Variants in CD58 observed in about 807,000 individuals in gnomAD.
CD58 encodes CD58 molecule, also known as lymphocyte function-associated antigen 3.
In CD58, 14 loss-of-function variants were observed where a neutral mutation model predicts 27.6. That is an observed-to-expected ratio of 0.51 (90% CI 0.34 to 0.79). The LOEUF is 0.79. Ranked by LOEUF, CD58 falls within the 30% of genes least tolerant of loss-of-function variation. CD58 has a pLI of 0.02. For missense variants in CD58, 268 were observed against 301.7 expected, an observed-to-expected ratio of 0.89 and a Z score of 0.83; for synonymous variants, 117 against 103.8, an observed-to-expected ratio of 1.13 and a Z score of -0.77.
rs1229372559 is a variant in CD58, at chr1:116,531,234, A to G, written c.628+4731T>C. ...TAATGGCAAACATAAAGTTAAACAT[A>G]AAGTTTTGCAAGGGCAAAACCTTTA... On this transcript the variant is annotated intron_variant, in intron 3 of 5. Transcript: ENST00000369489. This position sits in a 1 kb window ranked among gnomAD's most constrained non-coding sequence, Gnocchi z 4.5. 6.6e-6 allele frequency among the ~76,000 whole-genome samples: 1 copy of G among 152,228 alleles called. No homozygotes were observed. The highest frequency in any genetic ancestry group is 1.9e-4 in the East Asian group (1 of 5,202).
In CD58 at chr1:116,527,595, G is replaced by T. The variant is rs1017968883; in HGVS notation, c.629-5612C>A. ...CCAATTTGCTAATATTTTGTTTAAGGTTTCTACATGTATGTTCATGAGAAA... is the reference window on the plus strand; with the variant it reads ...CCAATTTGCTAATATTTTGTTTAAGTTTTCTACATGTATGTTCATGAGAAA... On this transcript the variant is annotated intron_variant, in intron 3 of 5. Transcript: ENST00000369489. This position sits in a 1 kb window ranked among gnomAD's most constrained non-coding sequence, Gnocchi z 4.4. Among the ~76,000 whole-genome samples, 1 of 152,024 alleles carries T rather than the reference G, an allele frequency of 6.6e-6. No individual in the cohort carries two copies. The highest frequency in any genetic ancestry group is 1.5e-5 in the Non-Finnish European group (1 of 67,996).
Position 116,532,913 on chromosome 1 carries a change from T to G in CD58, c.628+3052A>C, listed in dbSNP as rs1657665057. ...AGGCCCGGAGTCGCGACAGCCGGTCTGCCAGGCGCCCACCTCCACTTCCTA... is the reference window on the plus strand; with the variant it reads ...AGGCCCGGAGTCGCGACAGCCGGTCGGCCAGGCGCCCACCTCCACTTCCTA... On this transcript the variant is annotated intron_variant, in intron 3 of 5. Coordinates refer to ENST00000369489, the MANE Select transcript of CD58 (RefSeq NM_001779.3). This position sits in a 1 kb window ranked among gnomAD's most constrained non-coding sequence, Gnocchi z 5.1. 9.7e-7 allele frequency: 1 copy of G among 1,031,472 alleles called. No homozygotes were observed. Among genetic ancestry groups the G allele is most frequent in the Admixed American group, 2.0e-5 (1 of 49,092 alleles). The allele number at this position is 1,031,472 out of a possible 1,614,324, so 63.9% of individuals were successfully genotyped here.
rs548508879 is a variant in CD58 at position 116,570,185 on chromosome 1, G to T, written c.70+718C>A. ...ATGTGTGGAGGGTGAAGGAGGATGG[G>T]GAGGCAAAATGGGAAGAAGGGGACC... is the stretch of plus-strand genomic sequence containing the variant. On this transcript the variant is annotated intron_variant, in intron 1 of 5. Transcript: ENST00000369489. The surrounding 1 kb of genome is among the most constrained non-coding windows in gnomAD (Gnocchi z 6.4). 9.9e-5 allele frequency among the ~76,000 whole-genome samples: 15 copies of T among 152,196 alleles called. No homozygotes were observed. The highest frequency in any genetic ancestry group is 1.9e-4 in the Non-Finnish European group (13 of 68,038).
At chr1:116,525,784 C>T (rs1438865509) in intron 3 of CD58, among the ~76,000 whole-genome samples, 5 of 152,186 alleles carry the variant, frequency 3.3e-5, no homozygotes, top group African/African-American at 1.2e-4. Context: ...TGCCTGTTGA[C>T]ATAGGACATG....
At chr1:116,545,694 A>G (rs1413570245) in intron 1 of CD58, among the ~76,000 whole-genome samples, 1 of 152,188 alleles carries the variant, frequency 6.6e-6, no homozygotes, top group Non-Finnish European at 1.5e-5. Flanking sequence ...TCATGAGCCA[A>G]TTGTTAGCAT....
chr1:116,536,946 G>A lies in CD58; in HGVS notation c.365-718C>T, dbSNP rs780755573. 4.6e-5 allele frequency among the ~76,000 whole-genome samples: 7 copies of A among 152,096 alleles called. No individual in the cohort carries two copies. Among genetic ancestry groups the A allele is most frequent in the Non-Finnish European group, 8.8e-5 (6 of 68,026 alleles). On this transcript the variant is annotated intron_variant, in intron 2 of 5. Coordinates refer to ENST00000369489, the MANE Select transcript of CD58 (RefSeq NM_001779.3). This position sits in a 1 kb window ranked among gnomAD's most constrained non-coding sequence, Gnocchi z 5.4. ...TCACTCACTTCAAATATTCATTATC[G>A]TTTCACCACAAAAATATTCCTGTGC...
intron 1 of CD58, among the ~76,000 whole-genome samples, chr1:116,545,995 G>A (rs1251018531): frequency 6.6e-6 from 1 of 152,092 alleles, no homozygotes; most frequent in African/African-American, 2.4e-5. Flanking sequence ...TGGGTAAAAT[G>A]GCGAAACCCC....
intron 3 of CD58, chr1:116,533,438 G>A (rs1657682861): frequency 1.3e-6 from 1 of 759,324 alleles, no homozygotes; most frequent in Admixed American, 1.8e-5. Context: ...GGACTGAGTT[G>A]GCAAAGCAGT....
At chr1:116,543,491 C>T (rs1658059791) in intron 2 of CD58, among the ~76,000 whole-genome samples, 1 of 151,346 alleles carries the variant, frequency 6.6e-6, no homozygotes, top group African/African-American at 2.4e-5. Context: ...TGAGGCAGGC[C>T]TTAAAATGAC....
Position 116,547,477 on chromosome 1 carries a change from C to A in CD58, c.71-2873G>T, listed in dbSNP as rs999751907. Reference sequence around the variant, plus strand: ...AGTAGCTGGGACTACAGGCGCCCACCACCATGCCCGGCTAATTTTTTTTTT... The same window carrying A: ...AGTAGCTGGGACTACAGGCGCCCACAACCATGCCCGGCTAATTTTTTTTTT... On this transcript the variant is annotated intron_variant, in intron 1 of 5. Coordinates refer to ENST00000369489, the MANE Select transcript of CD58 (RefSeq NM_001779.3). 1.6e-4 allele frequency among the ~76,000 whole-genome samples: 25 copies of A among 151,976 alleles called. 1 individual carries two copies. Among genetic ancestry groups the A allele is most frequent in the Admixed American group, 1.6e-3 (24 of 15,256 alleles).
In CD58 at chr1:116,559,707, G is replaced by A. The variant is rs1330356547; in HGVS notation, c.70+11196C>T. 1.3e-5 allele frequency among the ~76,000 whole-genome samples: 2 copies of A among 152,128 alleles called. No individual in the cohort carries two copies. The highest frequency in any genetic ancestry group is 4.8e-5 in the African/African-American group (2 of 41,412). On this transcript the variant is annotated intron_variant, in intron 1 of 5. Transcript: ENST00000369489. This position sits in a 1 kb window ranked among gnomAD's most constrained non-coding sequence, Gnocchi z 4.4. ...CTCTCAGCTGTCAATCTGCCTCCTC[G>A]ATAAGTTCATCAAGAATTAAGATGT...
chr1:116,569,953 A>G (rs772611218), intron 1 of CD58, among the ~76,000 whole-genome samples: 3 of 152,078 alleles, frequency 2.0e-5, no homozygotes, highest in Admixed American at 6.5e-5. Flanking sequence ...TTTTGAGTCT[A>G]TCTCAACCCC....
At position 116,571,020 on chromosome 1, in the gene CD58, T is replaced by A; in HGVS notation, c.-48A>T. 1 of 1,482,092 alleles carries A rather than the reference T, an allele frequency of 6.7e-7. No homozygotes were observed. Among genetic ancestry groups the A allele is most frequent in the Non-Finnish European group, 9.0e-7 (1 of 1,105,560 alleles). The allele number at this position is 1,482,092 out of a possible 1,614,324, so 91.8% of individuals were successfully genotyped here. On this transcript the variant is annotated 5_prime_UTR_variant, in exon 1 of 6. Transcript: ENST00000369489. ...GCGAGTGCCCAGCCACAAGCAGCCC[T>A]AAGTTCAAGCACCGCCTACGCGGTC... is the stretch of plus-strand genomic sequence containing the variant.
At chr1:116,533,852 C>A (rs1435751825) in intron 3 of CD58, 1 of 875,890 alleles carries the variant, frequency 1.1e-6, no homozygotes, top group African/African-American at 1.7e-5. Flanking sequence ...AACTTGGCTT[C>A]TATATGAGCG....
At chr1:116,567,711 T>C (rs1658986841) in intron 1 of CD58, among the ~76,000 whole-genome samples, 2 of 152,126 alleles carry the variant, frequency 1.3e-5, no homozygotes, top group Admixed American at 1.3e-4. Context: ...AACCACTGAA[T>C]GAACAATGGC....
chr1:116,526,711 A>G (rs924922780), intron 3 of CD58, among the ~76,000 whole-genome samples: 2 of 152,218 alleles, frequency 1.3e-5, no homozygotes, highest in African/African-American at 4.8e-5. Flanking sequence ...CAGTTTGCTG[A>G]TATCCACAAA....
At chr1:116,565,917 CTG>C (rs1557845807) in intron 1 of CD58, among the ~76,000 whole-genome samples, 3 of 152,076 alleles carry the variant, frequency 2.0e-5, no homozygotes, top group Non-Finnish European at 4.4e-5. Flanking sequence ...CAGGGTTTCA[CTG>C]CGTTAGCCAG....
rs1241199066 is a variant in CD58 at position 116,523,604 on chromosome 1, C to T, written c.629-1621G>A. On this transcript the variant is annotated intron_variant, in intron 3 of 5. Coordinates refer to ENST00000369489, the MANE Select transcript of CD58 (RefSeq NM_001779.3). This position sits in a 1 kb window ranked among gnomAD's most constrained non-coding sequence, Gnocchi z 4.4. ...CAGATATTCCTTGGCAATAATACTC[C>T]CCAAGTAGTGTTTGTATACTTCCCT... Among the ~76,000 whole-genome samples, 1 of 152,110 alleles carries T rather than the reference C, an allele frequency of 6.6e-6. No individual in the cohort carries two copies. The highest frequency in any genetic ancestry group is 1.5e-5 in the Non-Finnish European group (1 of 68,022).
At position 116,519,418 on chromosome 1, in the gene CD58, TCAAATCGGCTA is replaced by T; in HGVS notation, c.707-162_707-152del. On this transcript the variant is annotated intron_variant, in intron 4 of 5. Coordinates refer to ENST00000369489, the MANE Select transcript of CD58 (RefSeq NM_001779.3). This position sits in a 1 kb window ranked among gnomAD's most constrained non-coding sequence, Gnocchi z 4.7. ...TTCCTGCTATCCTATATGCTTTAAA[TCAAATCGGCTA>T]CAGAGCTGGTCCAAAGAGTTGTTCA... The T allele has an allele frequency of 1.4e-6, 1 of 725,128 alleles. No individual in the cohort carries two copies. The highest frequency in any genetic ancestry group is 2.4e-6 in the Non-Finnish European group (1 of 414,700). The allele number at this position is 725,128 out of a possible 1,614,324, so 44.9% of individuals were successfully genotyped here. A position where few individuals can be genotyped will look rare whatever the true frequency, so the allele number is the denominator to read the frequency against.
Sources: allele counts gnomAD v4.1 joint callset (sites outside exome capture counted in the v4.1 genomes callset), GRCh38; gene constraint gnomAD v4.1.1; non-coding constraint Gnocchi (gnomAD v3.1); transcripts MANE v1.5; gene names NCBI Gene and HGNC (gene_info 2026-07-23, HGNC 2026-07-21).